GRAMD4: variants seen among roughly 807,000 people sequenced by gnomAD.
GRAMD4 encodes the protein GRAM domain containing 4, also known as GRAM domain-containing protein 4.
In GRAMD4, 25 loss-of-function variants were observed where a neutral mutation model predicts 83.9. The ratio of observed to expected loss-of-function variants is 0.30; its 90% CI spans 0.22 to 0.42. The LOEUF is 0.42. GRAMD4 is among the 10% of genes least tolerant of loss of function. The pLI, the probability that GRAMD4 is intolerant of heterozygous loss-of-function variation, is 1.00. For missense variants in GRAMD4, 593 were observed against 788.7 expected, an observed-to-expected ratio of 0.75 and a Z score of 2.97; for synonymous variants, 336 against 320.9, an observed-to-expected ratio of 1.05 and a Z score of -0.50.
At chr22:46,643,869 G>A (rs12162875) in intron 3 of GRAMD4, among the ~76,000 whole-genome samples, 138,524 of 152,214 alleles carry the variant, frequency 0.91, 63,227 homozygotes, top group East Asian at 1. Context: ...CTTTTTTTAA[G>A]TTAAATTTAT....
chr22:46,585,870 G>A lies in GRAMD4; in HGVS notation c.-50+8580G>A, dbSNP rs1017928664. On this transcript the variant is annotated intron_variant, in intron 1 of 1. Coordinates refer to the GRAMD4 transcript ENST00000431155. ...GGCCTCTCAGGTCAGCTTGTTAAAG[G>A]TCAGCCTCTGTGCAAGGCTCCTGGA... is the stretch of plus-strand genomic sequence containing the variant. Among the ~76,000 whole-genome samples, 6 of 152,202 alleles carry A rather than the reference G, an allele frequency of 3.9e-5. No homozygotes were observed. The South Asian group carries it at 1.2e-3, about 31-fold the overall frequency.
upstream of GRAMD4, among the ~76,000 whole-genome samples, chr22:46,618,582 C>T (rs1036793578): frequency 6.6e-6 from 1 of 152,058 alleles, no homozygotes; most frequent in Non-Finnish European, 1.5e-5. This position sits in a 1 kb window ranked among gnomAD's most constrained non-coding sequence, Gnocchi z 5.8. Context: ...GCGTGGAAGC[C>T]CCTGGAGAAC....
At position 46,672,059 on chromosome 22, in the gene GRAMD4, G is replaced by C. The variant is rs1247216946; in HGVS notation, c.1085-784G>C. Reference sequence around the variant, plus strand: ...GCTGTGCACTGGGGGCAGCGAGACAGCCCCCAGCACTGGGAGGGGCACCCG... The same window carrying C: ...GCTGTGCACTGGGGGCAGCGAGACACCCCCCAGCACTGGGAGGGGCACCCG... On this transcript the variant is annotated intron_variant, in intron 13 of 18. Transcript: ENST00000406902. The surrounding 1 kb of genome is among the most constrained non-coding windows in gnomAD (Gnocchi z 4.7). Among the ~76,000 whole-genome samples the C allele has an allele frequency of 6.6e-6, 1 of 152,240 alleles. No homozygotes were observed. Among genetic ancestry groups the C allele is most frequent in the Non-Finnish European group, 1.5e-5 (1 of 68,032 alleles).
chr22:46,677,853 G>C lies in GRAMD4; in HGVS notation c.*602G>C. The C allele has an allele frequency of 2.0e-6, 2 of 985,400 alleles. No homozygotes were observed. Among genetic ancestry groups the C allele is most frequent in the Non-Finnish European group, 2.4e-6 (2 of 829,930 alleles). The allele number at this position is 985,400 out of a possible 1,614,324, so 61.0% of individuals were successfully genotyped here. ...GGCCGGGCGCAGTGACCCTGCCTGC[G>C]CTCCACACTCGCTCCACGGGAACAG... On this transcript the variant is annotated 3_prime_UTR_variant, in exon 19 of 19. Transcript: ENST00000406902.
chr22:46,590,229 G>C (rs1602300123), intron 1 of GRAMD4, among the ~76,000 whole-genome samples: 2 of 152,176 alleles, frequency 1.3e-5, no homozygotes, highest in Non-Finnish European at 2.9e-5. Flanking sequence ...GGCGGAGCTG[G>C]GAGTCTGACT....
intron 17 of GRAMD4, 149 bp from the exon 18 acceptor site, chr22:46,676,450 GC>G (rs2082599927): frequency 3.1e-6 from 2 of 653,788 alleles, no homozygotes; most frequent in African/African-American, 3.6e-5. Context: ...GTGTCCACAG[GC>G]CCTTACCTTC....
rs2082119431 is a variant in GRAMD4, at chr22:46,648,851, GATGGATGGATGC to G, written c.284-9324_284-9313del. Among the ~76,000 whole-genome samples, 39 of 133,730 alleles carry G rather than the reference GATGGATGGATGC, an allele frequency of 2.9e-4. 1 individual carries two copies. The highest frequency in any genetic ancestry group is 5.0e-4 in the African/African-American group (17 of 33,994). The allele number at this position is 133,730 out of a possible 152,430, so 87.7% of individuals were successfully genotyped here. A position where few individuals can be genotyped will look rare whatever the true frequency, so the allele number is the denominator to read the frequency against. ...GGATGGATGGATGGATGGATGCATGGATGGATGGATGCATGGATGGATGGATGGATGGATGGA... is the reference window on the plus strand; with the variant it reads ...GGATGGATGGATGGATGGATGCATGGATGGATGGATGGATGGATGGATGGA... On this transcript the variant is annotated intron_variant, in intron 3 of 18. Coordinates refer to ENST00000406902, the MANE Select transcript of GRAMD4 (RefSeq NM_015124.5).
At chr22:46,673,034 G>A (rs2082535943) in intron 14 of GRAMD4, 37 bp downstream of exon 14, 1 of 1,434,406 alleles carries the variant, frequency 7.0e-7, no homozygotes, top group East Asian at 2.4e-5. Context: ...TGGGGGGATG[G>A]GGGGCCACGA....
At chr22:46,668,066 T>G (rs199649952) in intron 10 of GRAMD4, 30 bp from the exon 11 acceptor site, 2 of 1,501,178 alleles carry the variant, frequency 1.3e-6, no homozygotes, top group Middle Eastern at 3.4e-4. Context: ...TAAATTTCAG[T>G]GGAAAATTCT....
chr22:46,611,980 C>T (rs2081421499), intron 1 of GRAMD4, among the ~76,000 whole-genome samples: 1 of 115,552 alleles, frequency 8.7e-6, no homozygotes, highest in Admixed American at 1.3e-4. Context: ...CTGGGAGACA[C>T]AGCGAGACTC....
chr22:46,630,439 G>C (rs1333701515), intron 2 of GRAMD4, among the ~76,000 whole-genome samples: 1 of 152,218 alleles, frequency 6.6e-6, no homozygotes, highest in Non-Finnish European at 1.5e-5. Flanking sequence ...GCTTCCACAT[G>C]GTCTCGCTGG....
At chr22:46,614,280 C>T (rs1468931215) in intron 1 of GRAMD4, among the ~76,000 whole-genome samples, 7 of 152,114 alleles carry the variant, frequency 4.6e-5, no homozygotes, top group Admixed American at 6.6e-5. Flanking sequence ...AAGGGCGGGG[C>T]GCTGCTGCCA....
At chr22:46,639,469 T>C (rs1431780225) in intron 3 of GRAMD4, among the ~76,000 whole-genome samples, 1 of 151,962 alleles carries the variant, frequency 6.6e-6, no homozygotes, top group Non-Finnish European at 1.5e-5. Context: ...ACCCTGTGAG[T>C]GCACATGTGC....
At chr22:46,668,403 T>G (rs1413494206) in intron 11 of GRAMD4, among the ~76,000 whole-genome samples, 1 of 152,168 alleles carries the variant, frequency 6.6e-6, no homozygotes, top group Non-Finnish European at 1.5e-5. Context: ...TGATTCAGCC[T>G]CTGCGGACGG....
chr22:46,579,315 C>T lies in GRAMD4; in HGVS notation c.-50+2025C>T, dbSNP rs957910750. ...CCGGCGTTAGGTGATCTTTGCTCTCCGCTCTCCCAGGCTTCACCTTCACCA... is the reference window on the plus strand; with the variant it reads ...CCGGCGTTAGGTGATCTTTGCTCTCTGCTCTCCCAGGCTTCACCTTCACCA... On this transcript the variant is annotated intron_variant, in intron 1 of 1. Coordinates refer to the GRAMD4 transcript ENST00000431155. Among the ~76,000 whole-genome samples, 11 of 152,320 alleles carry T rather than the reference C, an allele frequency of 7.2e-5. No homozygotes were observed. In the East Asian group the frequency reaches 9.6e-4, roughly 13 times the overall value.
intron 2 of GRAMD4, among the ~76,000 whole-genome samples, chr22:46,627,860 C>T (rs1445749052): frequency 6.6e-6 from 1 of 152,244 alleles, no homozygotes; most frequent in Non-Finnish European, 1.5e-5. Flanking sequence ...CAGGTGGGGC[C>T]GCTTGGCTTC....
chr22:46,678,378 C>G lies in GRAMD4; in HGVS notation c.*1127C>G. 1.0e-6 allele frequency: 1 copy of G among 984,992 alleles called. No individual in the cohort carries two copies. The highest frequency in any genetic ancestry group is 5.2e-4 in the Middle Eastern group (1 of 1,916). 61.0% of individuals were successfully genotyped at this position (984,992 alleles called of 1,614,324 possible). On this transcript the variant is annotated 3_prime_UTR_variant, in exon 19 of 19. Transcript: ENST00000406902. ...CCTCCCCCGCGTGCCTAGCCGGTGCCGGTCCGGGCACAGACCCCCCCAGCC... is the reference window on the plus strand; with the variant it reads ...CCTCCCCCGCGTGCCTAGCCGGTGCGGGTCCGGGCACAGACCCCCCCAGCC...
At chr22:46,670,721 T>A (rs1473300468) in intron 13 of GRAMD4, among the ~76,000 whole-genome samples, 1 of 152,150 alleles carries the variant, frequency 6.6e-6, no homozygotes, top group African/African-American at 2.4e-5. Flanking sequence ...TTGTCCTGCC[T>A]CAGCCTCGGG....
chr22:46,603,149 C>T (rs1002195288), intron 1 of GRAMD4, among the ~76,000 whole-genome samples: 1 of 150,384 alleles, frequency 6.6e-6, no homozygotes, highest in Middle Eastern at 3.2e-3. Flanking sequence ...TGACTGCTTA[C>T]GGAGGTTTTT....
Sources: allele counts gnomAD v4.1 joint callset (sites outside exome capture counted in the v4.1 genomes callset), GRCh38; gene constraint gnomAD v4.1.1; non-coding constraint Gnocchi (gnomAD v3.1); transcripts MANE v1.5; gene names NCBI Gene and HGNC (gene_info 2026-07-23, HGNC 2026-07-21).